Variants in CACNA1B observed in about 807,000 individuals in gnomAD.
CACNA1B encodes calcium voltage-gated channel subunit alpha1 B.
CACNA1B carries 70 observed loss-of-function variants against 247.2 expected under a neutral mutation model. The ratio of observed to expected loss-of-function variants is 0.28; its 90% confidence interval spans 0.23 to 0.35. The LOEUF is 0.35. CACNA1B is among the 10% of genes least tolerant of loss of function. The pLI, the probability that CACNA1B is intolerant of heterozygous loss-of-function variation, is 1.00. For synonymous variants in CACNA1B, 1,231 were observed against 1,294.4 expected, an observed-to-expected ratio of 0.95 and a Z score of 1.05; for missense variants, 2,367 against 3,197.4, an observed-to-expected ratio of 0.74 and a Z score of 6.26.
intron 16 of CACNA1B, among the ~76,000 whole-genome samples, chr9:138,008,968 T>G (rs957053754): frequency 2.6e-5 from 4 of 152,272 alleles, no homozygotes; most frequent in South Asian, 2.1e-4. Flanking sequence ...GCACCCCCAA[T>G]GGCCAGGGTC....
chr9:137,903,090 T>C (rs577357355), intron 3 of CACNA1B, among the ~76,000 whole-genome samples: 2 of 152,284 alleles, frequency 1.3e-5, no homozygotes, highest in South Asian at 4.1e-4. Flanking sequence ...CTGTAAATTA[T>C]ACTATTAAAA....
chr9:138,084,335 C>G, intron 36 of CACNA1B, among the ~76,000 whole-genome samples: 1 of 151,276 alleles, frequency 6.6e-6, no homozygotes, highest in African/African-American at 2.4e-5. Context: ...AAGAGGTGTC[C>G]CCTCAGCTAA....
chr9:137,946,244 T>C (rs1219314568), intron 6 of CACNA1B, among the ~76,000 whole-genome samples: 1 of 152,156 alleles, frequency 6.6e-6, no homozygotes, highest in African/African-American at 2.4e-5. Flanking sequence ...GGGGGCTAAG[T>C]GGGTTTCTTT....
intron 6 of CACNA1B, among the ~76,000 whole-genome samples, chr9:137,920,794 C>T (rs1005960621): frequency 7.9e-5 from 12 of 152,184 alleles, no homozygotes; most frequent in African/African-American, 2.9e-4. Flanking sequence ...AGGCCTTGCT[C>T]ATAGAGTGGA....
intron 18 of CACNA1B, among the ~76,000 whole-genome samples, chr9:138,016,447 G>A (rs1958793010): frequency 6.6e-6 from 1 of 152,252 alleles, no homozygotes. Context: ...AAGGTGGGTT[G>A]GCGTGTGGCT....
intron 39 of CACNA1B, among the ~76,000 whole-genome samples, chr9:138,107,978 CTG>C (rs1177466040): frequency 6.8e-6 from 1 of 147,156 alleles, no homozygotes; most frequent in Non-Finnish European, 1.5e-5. Flanking sequence ...GAGTGAGACT[CTG>C]TCTCAAAAAA....
chr9:137,945,434 G>A (rs567299308), intron 6 of CACNA1B, among the ~76,000 whole-genome samples: 14 of 152,354 alleles, frequency 9.2e-5, no homozygotes, highest in African/African-American at 3.4e-4. Context: ...ATCTTAGTTT[G>A]TCAGATATGT....
intron 3 of CACNA1B, among the ~76,000 whole-genome samples, chr9:137,911,231 C>A (rs7855166): frequency 0.12 from 18,580 of 151,970 alleles, 3,264 homozygotes; most frequent in African/African-American, 0.39. Flanking sequence ...AATTTTCTAC[C>A]TTTTCTACCT....
intron 20 of CACNA1B, among the ~76,000 whole-genome samples, chr9:138,043,452 G>C (rs922529258): frequency 2.0e-5 from 3 of 152,306 alleles, no homozygotes; most frequent in East Asian, 1.9e-4. Context: ...GTCTCACCAG[G>C]CTCTGGGCTT....
At chr9:137,980,606 T>A (rs1172660259) in intron 12 of CACNA1B, among the ~76,000 whole-genome samples, 1 of 152,230 alleles carries the variant, frequency 6.6e-6, no homozygotes, top group Non-Finnish European at 1.5e-5. Context: ...ATACACACGA[T>A]CCTATCACCC....
intron 36 of CACNA1B, among the ~76,000 whole-genome samples, chr9:138,092,374 C>T (rs950373166): frequency 6.6e-6 from 1 of 152,208 alleles, no homozygotes; most frequent in African/African-American, 2.4e-5. Flanking sequence ...AGGGTTATTC[C>T]TTGCTGGGAA....
chr9:138,105,744 G>T lies in CACNA1B; in HGVS notation c.5365G>T (p.Val1789Phe). ...NMPISNEDMT[V>F]HFTSTLMALI... ...GCCCATCTCCAACGAGGACATGACT[G>T]TTCACTTCACGTCCACGCTGATGGC... The change falls in exon 39 of 47, where the codon GTT becomes TTT. Residue 1789 changes from valine (V) to phenylalanine (F), a missense_variant. Coordinates refer to ENST00000371372, the MANE Select transcript of CACNA1B (RefSeq NM_000718.4). The T allele has an allele frequency of 6.4e-7, 1 of 1,567,546 alleles. No individual in the cohort carries two copies.
At chr9:137,931,392 C>G (rs1957606038) in intron 6 of CACNA1B, among the ~76,000 whole-genome samples, 1 of 152,136 alleles carries the variant, frequency 6.6e-6, no homozygotes, top group Non-Finnish European at 1.5e-5. Context: ...CAGGTACTTT[C>G]CATTTTTCGT....
At position 138,073,865 on chromosome 9, in the gene CACNA1B, A is replaced by G. The variant is rs577643801; in HGVS notation, c.4792-136A>G. 232 of 713,486 alleles carry G rather than the reference A, an allele frequency of 3.3e-4. No individual in the cohort carries two copies. In the African/African-American group the frequency reaches 3.7e-3, roughly 11 times the overall value. 44.2% of individuals were successfully genotyped at this position (713,486 alleles called of 1,614,324 possible). A position where few individuals can be genotyped will look rare whatever the true frequency, so the allele number is the denominator to read the frequency against. On this transcript the variant is annotated intron_variant, in intron 33 of 46. Coordinates refer to ENST00000371372, the MANE Select transcript of CACNA1B (RefSeq NM_000718.4). The surrounding 1 kb of genome is among the most constrained non-coding windows in gnomAD (Gnocchi z 6.4). ...AAGAAACTGGGGCATCACTTGGTGG[A>G]GGGGCTTGGTGGCCAGTGGGATGGA...
Position 137,886,309 on chromosome 9 carries a change from G to A in CACNA1B, c.530+3426G>A, listed in dbSNP as rs567454790. 5.3e-5 allele frequency among the ~76,000 whole-genome samples: 8 copies of A among 151,966 alleles called. No individual in the cohort carries two copies. The South Asian group carries it at 1.7e-3, about 32-fold the overall frequency. On this transcript the variant is annotated intron_variant, in intron 3 of 46. Transcript: ENST00000371372. ...CCAGCAAGAGCCCCACTGAGTGCTA[G>A]GGCGCAGCTCTTAAGGACCTCAGGC...
At chr9:137,897,650 T>A (rs368472873) in intron 3 of CACNA1B, among the ~76,000 whole-genome samples, 1 of 152,222 alleles carries the variant, frequency 6.6e-6, no homozygotes, top group Non-Finnish European at 1.5e-5. Flanking sequence ...CATTTTAATA[T>A]GTTGTATTTT....
chr9:137,937,715 G>T (rs903185624), intron 6 of CACNA1B, among the ~76,000 whole-genome samples: 1 of 152,062 alleles, frequency 6.6e-6, no homozygotes, highest in African/African-American at 2.4e-5. Flanking sequence ...GGAGGCCAAG[G>T]TGGGCGGATC....
In CACNA1B at chr9:138,120,362, T is replaced by C; in HGVS notation, c.6228T>C (p.Asp2076=). The C allele has an allele frequency of 1.3e-6, 2 of 1,554,182 alleles. No individual in the cohort carries two copies. The highest frequency in any genetic ancestry group is 1.4e-5 in the African/African-American group (1 of 73,788). ...AGAAGGGGCCCAGCCTGTCTGCCGA[T>C]ATGGATGGCGGTGCGTGCGGAGGGG... The part of the protein sequence containing the change: ...SLEKGPSLSA[D]MDGAPSSAVG... The change falls in exon 45 of 47, where the codon GAT becomes GAC. Residue 2076 remains aspartate (D), a synonymous_variant. Coordinates refer to ENST00000371372, the MANE Select transcript of CACNA1B (RefSeq NM_000718.4).
At chr9:137,923,327 G>A (rs546508497) in intron 6 of CACNA1B, among the ~76,000 whole-genome samples, 60 of 150,652 alleles carry the variant, frequency 4.0e-4, no homozygotes, top group Non-Finnish European at 7.4e-4. Context: ...GTGGCTCCAG[G>A]TGGTATTCCG....
Sources: allele counts gnomAD v4.1 joint callset (sites outside exome capture counted in the v4.1 genomes callset), GRCh38; gene constraint gnomAD v4.1.1; non-coding constraint Gnocchi (gnomAD v3.1); transcripts MANE v1.5; gene names NCBI Gene and HGNC (gene_info 2026-07-23, HGNC 2026-07-21).